CABP5: variants seen among roughly 807,000 people sequenced by gnomAD.
CABP5 encodes calcium-binding protein 5.
Under a neutral mutation model 21.9 loss-of-function variants are expected in CABP5, and 17 were observed. That is an observed-to-expected ratio of 0.78 (90% CI 0.53 to 1.17). The LOEUF (loss-of-function observed/expected upper bound fraction) is 1.17, where lower values mean the gene tolerates loss of function less well. Ranked by LOEUF, CABP5 falls within the 50% of genes most tolerant of loss-of-function variation. The probability of loss-of-function intolerance (pLI) is 0.00; values close to 1 mark genes in which losing one functional copy is unlikely to be tolerated. For synonymous variants in CABP5, 85 were observed against 79.4 expected (o/e 1.07, Z -0.37); for missense variants, 229 against 228.9 (o/e 1.00, Z 0.00).
At chr19:48,035,697 C>A (rs1009450238) in intron 4 of CABP5, among the ~76,000 whole-genome samples, 13 of 152,130 alleles carry the variant, frequency 8.5e-5, no homozygotes, top group African/African-American at 2.9e-4. Flanking sequence ...TAACAAGTGC[C>A]GTAAGGCAGG....
intron 4 of CABP5, among the ~76,000 whole-genome samples, chr19:48,035,986 G>A (rs1022769733): frequency 6.6e-6 from 1 of 152,044 alleles, no homozygotes; most frequent in African/African-American, 2.4e-5. Context: ...GTAGGACCAC[G>A]ATGGGAGCCA....
At chr19:48,034,004 C>T (rs564655180) in intron 5 of CABP5, among the ~76,000 whole-genome samples, 1 of 152,222 alleles carries the variant, frequency 6.6e-6, no homozygotes, top group African/African-American at 2.4e-5. Context: ...TTCCTCGGAG[C>T]CACCAGAAGT....
chr19:48,041,100 C>T (rs542804023), intron 2 of CABP5, among the ~76,000 whole-genome samples: 3 of 152,172 alleles, frequency 2.0e-5, no homozygotes, highest in East Asian at 1.9e-4. Context: ...GCAGAAGAAT[C>T]GCTTGAACCT....
At chr19:48,037,701 T>G (rs1052403687) in intron 4 of CABP5, among the ~76,000 whole-genome samples, 1 of 152,226 alleles carries the variant, frequency 6.6e-6, no homozygotes, top group African/African-American at 2.4e-5. Context: ...TTAAAAATTA[T>G]TAATTTAGCT....
intron 3 of CABP5, 71 bp from the exon 4 acceptor site, chr19:48,039,388 G>T: frequency 8.6e-7 from 1 of 1,163,042 alleles, no homozygotes; most frequent in Non-Finnish European, 1.3e-6. Context: ...TTTGTGCTTC[G>T]AGTCAGTTAG....
intron 5 of CABP5, among the ~76,000 whole-genome samples, chr19:48,031,172 A>G (rs1049878888): frequency 1.3e-5 from 2 of 152,166 alleles, no homozygotes; most frequent in African/African-American, 4.8e-5. Flanking sequence ...GAATCCTAGT[A>G]TTGCTATTTC....
At chr19:48,039,157 C>T (rs891015) in intron 4 of CABP5, 51 bp downstream of exon 4, 6 of 1,454,010 alleles carry the variant, frequency 4.1e-6, no homozygotes, top group Non-Finnish European at 5.8e-6. Flanking sequence ...ACAGGCAGAC[C>T]TCAGAGGGTC....
At chr19:48,043,081 C>A (rs940748956) in intron 1 of CABP5, among the ~76,000 whole-genome samples, 5 of 151,218 alleles carry the variant, frequency 3.3e-5, no homozygotes, top group African/African-American at 1.2e-4. Flanking sequence ...ATAATCAGGG[C>A]TCACTGCAGC....
chr19:48,030,404 C>T lies in CABP5; in HGVS notation c.*153G>A. 1.5e-6 allele frequency: 1 copy of T among 662,800 alleles called. No individual in the cohort carries two copies. The highest frequency in any genetic ancestry group is 2.6e-6 in the Non-Finnish European group (1 of 388,192). The allele number at this position is 662,800 out of a possible 1,614,324, so 41.1% of individuals were successfully genotyped here. A position where few individuals can be genotyped will look rare whatever the true frequency, so the allele number is the denominator to read the frequency against. ...CTGGCAAAGATACCGCTCTGGGTCT[C>T]ACCCCATGCACAGCGCCGCATGCCA... On this transcript the variant is annotated 3_prime_UTR_variant, in exon 6 of 6. Transcript: ENST00000293255.
intron 1 of CABP5, 62 bp downstream of exon 1, chr19:48,043,798 T>C (rs1967514271): frequency 1.5e-6 from 2 of 1,346,286 alleles, no homozygotes; most frequent in Admixed American, 3.3e-5. Flanking sequence ...TCCCCTTCTT[T>C]GTCCCACACC....
chr19:48,041,458 A>C, intron 2 of CABP5, 115 bp downstream of exon 2: 1 of 994,198 alleles, frequency 1.0e-6, no homozygotes, highest in South Asian at 1.4e-5. Flanking sequence ...GTGGGAAGAG[A>C]GAGGGATTGT....
At chr19:48,030,619 C>T (rs965744196) in intron 5 of CABP5, 37 bp from the exon 6 acceptor site, 9 of 1,606,648 alleles carry the variant, frequency 5.6e-6, no homozygotes, top group South Asian at 2.2e-5. Context: ...TAAGGCATCT[C>T]GTTGTAAAAG....
At chr19:48,038,664 G>A (rs529023962) in intron 4 of CABP5, among the ~76,000 whole-genome samples, 95 of 151,788 alleles carry the variant, frequency 6.3e-4, no homozygotes, top group African/African-American at 1.5e-3. Context: ...CCGTCTCTAC[G>A]AAAAATACAA....
At chr19:48,037,991 T>C (rs961704537) in intron 4 of CABP5, among the ~76,000 whole-genome samples, 4 of 152,190 alleles carry the variant, frequency 2.6e-5, no homozygotes, top group Admixed American at 2.6e-4. Flanking sequence ...CTCAGCTCAC[T>C]GCAACCTCTG....
In CABP5 at chr19:48,033,713, T is replaced by C. The variant is rs557890863; in HGVS notation, c.496+502A>G. 1.3e-4 allele frequency among the ~76,000 whole-genome samples: 20 copies of C among 152,288 alleles called. No individual in the cohort carries two copies. In the South Asian group the frequency reaches 4.1e-3, roughly 32 times the overall value. ...GTGGTGCTTTGTGCATGATTTCTTTTAGTTTTCTCCAAAAGGTGTCATCAT... is the reference window on the plus strand; with the variant it reads ...GTGGTGCTTTGTGCATGATTTCTTTCAGTTTTCTCCAAAAGGTGTCATCAT... On this transcript the variant is annotated intron_variant, in intron 5 of 5. Transcript: ENST00000293255.
chr19:48,033,314 C>T (rs62129112), intron 5 of CABP5, among the ~76,000 whole-genome samples: 46,481 of 151,972 alleles, frequency 0.31, 7,912 homozygotes, highest in Non-Finnish European at 0.38. Flanking sequence ...GACATGCCTT[C>T]CTATGCCTCA....
intron 4 of CABP5, among the ~76,000 whole-genome samples, chr19:48,035,626 C>T (rs1183381769): frequency 6.6e-6 from 1 of 152,194 alleles, no homozygotes; most frequent in South Asian, 2.1e-4. Context: ...TTAAATGACC[C>T]ATGCTGCTTA....
intron 4 of CABP5, 72 bp from the exon 5 acceptor site, chr19:48,034,434 A>G (rs1045172508): frequency 2.4e-6 from 3 of 1,237,030 alleles, no homozygotes; most frequent in Non-Finnish European, 3.2e-6. Flanking sequence ...GAGTTTACCT[A>G]TCGCTTACTG....
intron 1 of CABP5, among the ~76,000 whole-genome samples, chr19:48,042,679 A>G (rs1967496962): frequency 6.6e-6 from 1 of 150,812 alleles, no homozygotes; most frequent in Non-Finnish European, 1.5e-5. Flanking sequence ...GGTTCAAGCG[A>G]TTCTCCTGCC....
Sources: gnomAD v4.1 joint callset for allele counts (sites outside exome capture counted in the v4.1 genomes callset) on GRCh38, gnomAD v4.1.1 for gene constraint, MANE v1.5 for transcripts, NCBI Gene and HGNC (gene_info 2026-07-23, HGNC 2026-07-21) for gene names.